PTPRS: variants seen among roughly 807,000 people sequenced by gnomAD.
PTPRS encodes protein tyrosine phosphatase receptor type S, also known as receptor-type tyrosine-protein phosphatase S.
PTPRS carries 63 observed loss-of-function variants against 215.3 expected under a neutral mutation model. The ratio of observed to expected loss-of-function variants is 0.29; its 90% CI spans 0.24 to 0.36. The LOEUF (loss-of-function observed/expected upper bound fraction) is 0.36, where lower values mean the gene tolerates loss of function less well. Ranked by LOEUF, PTPRS falls within the 10% of genes least tolerant of loss-of-function variation. PTPRS has a pLI of 1.00. For synonymous variants in PTPRS, 1,404 were observed against 1,191.4 expected (o/e 1.18, Z -3.68); for missense variants, 2,258 against 2,825.8 (o/e 0.80, Z 4.56).
At chr19:5,261,598 CAAG>C (rs940573606) in intron 6 of PTPRS, among the ~76,000 whole-genome samples, 25 of 152,294 alleles carry the variant, frequency 1.6e-4, no homozygotes, top group South Asian at 8.3e-4. Flanking sequence ...TGGCTGGGGC[CAAG>C]AAGATCCCAA....
Position 5,257,670 on chromosome 19 carries a change from G to A in PTPRS, c.706+347C>T, listed in dbSNP as rs930475797. On this transcript the variant is annotated intron_variant, in intron 8 of 37. Coordinates refer to ENST00000262963, the MANE Select transcript of PTPRS (RefSeq NM_002850.4). This position sits in a 1 kb window ranked among gnomAD's most constrained non-coding sequence, Gnocchi z 4.4. Reference sequence around the variant, plus strand: ...GGTGGGCAGGCAGGTGGGGTGGGGCGGGGCAGAGGCCTGCAGGCTCCCCTG... The same window carrying A: ...GGTGGGCAGGCAGGTGGGGTGGGGCAGGGCAGAGGCCTGCAGGCTCCCCTG... Among the ~76,000 whole-genome samples, 4 of 152,146 alleles carry A rather than the reference G, an allele frequency of 2.6e-5. No homozygotes were observed. In the South Asian group the frequency reaches 8.3e-4, roughly 31 times the overall value.
At chr19:5,273,015 T>C in intron 4 of PTPRS, 1 of 218,088 alleles carries the variant, frequency 4.6e-6, no homozygotes, top group Non-Finnish European at 9.3e-6. Flanking sequence ...ACTAAGGATA[T>C]CATCAATACA....
At chr19:5,264,692 C>T (rs1298446235) in intron 5 of PTPRS, among the ~76,000 whole-genome samples, 1 of 152,210 alleles carries the variant, frequency 6.6e-6, no homozygotes, top group African/African-American at 2.4e-5. Flanking sequence ...GACACTCTCC[C>T]CGCCCATGGC....
chr19:5,220,057 A>T lies in PTPRS; in HGVS notation c.3647T>A (p.Leu1216Gln). 1 of 1,614,044 alleles carries T rather than the reference A, an allele frequency of 6.2e-7. No individual in the cohort carries two copies. The highest frequency in any genetic ancestry group is 8.5e-7 in the Non-Finnish European group (1 of 1,180,032). Residue 1216 changes from leucine to glutamine, a missense_variant, in exon 22 of 38, where the codon CTG becomes CAG. Leu to Gln is a moderately radical substitution (Grantham distance 113). Coordinates refer to ENST00000262963, the MANE Select transcript of PTPRS (RefSeq NM_002850.4). ...GTCGCCGGGATGGAACGTGGGTGGC[A>T]GCACAGAGAAGCGAGCTGCAATATA... ...RPYIAARFSVLPPTFHPGDQK... is the reference protein window; with the variant it reads ...RPYIAARFSVQPPTFHPGDQK...
At chr19:5,241,997 G>A (rs147620120) in intron 11 of PTPRS, among the ~76,000 whole-genome samples, 10 of 152,028 alleles carry the variant, frequency 6.6e-5, no homozygotes, top group African/African-American at 2.2e-4. Context: ...TATCATGCCC[G>A]GCTAATTTTG....
Position 5,215,579 on chromosome 19 carries a change from C to T in PTPRS, c.4113G>A (p.Pro1371=), listed in dbSNP as rs377702253. The T allele has an allele frequency of 5.1e-5, 81 of 1,573,522 alleles. 1 individual carries two copies. The highest frequency in any genetic ancestry group is 2.9e-4 in the South Asian group (26 of 88,572). The stretch of plus-strand genomic sequence containing the variant: ...CCGCCATGTCTGCGATGGGAATTGG[C>T]GGGTGGCTAAGCATGCCTACAGGGT... ...GFHFESMLSH[P]PIPIADMAEH... The change falls in exon 27 of 38, where the codon CCG becomes CCA. Residue 1371 remains proline, a synonymous_variant. Transcript: ENST00000262963.
intron 19 of PTPRS, 22 bp downstream of exon 19, chr19:5,222,101 C>T (rs1168401512): frequency 6.3e-7 from 1 of 1,597,744 alleles, no homozygotes; most frequent in African/African-American, 1.3e-5. Context: ...TGCCTGCCTG[C>T]CTGCTGGCTG....
In PTPRS at chr19:5,315,350, G is replaced by GCTTTTTTTTTTTTTTTTTTTTTTTTT. The variant is rs2049835558; in HGVS notation, c.-95+25313_-95+25314insAAAAAAAAAAAAAAAAAAAAAAAAAG. ...TCATGGAGAATTTTTATTTGAAAAG[G>GCTTTTTTTTTTTTTTTTTTTTTTTTT]GTTTTTTTTTTTTTTTTTTTTTTTT... On this transcript the variant is annotated intron_variant, in intron 1 of 37. Coordinates refer to ENST00000262963, the MANE Select transcript of PTPRS (RefSeq NM_002850.4). Among the ~76,000 whole-genome samples, 9 of 101,296 alleles carry GCTTTTTTTTTTTTTTTTTTTTTTTTT rather than the reference G, an allele frequency of 8.9e-5. 3 individuals are homozygous for GCTTTTTTTTTTTTTTTTTTTTTTTTT. Among genetic ancestry groups the GCTTTTTTTTTTTTTTTTTTTTTTTTT allele is most frequent in the South Asian group, 6.2e-4 (2 of 3,230 alleles). 66.5% of individuals were successfully genotyped at this position (101,296 alleles called of 152,430 possible). A position where few individuals can be genotyped will look rare whatever the true frequency, so the allele number is the denominator to read the frequency against.
chr19:5,274,182 C>T lies in PTPRS; in HGVS notation c.237+17G>A. ...GGGAGCATTGACCCCAGGCTGCCTC[C>T]CCCTACCCCAACTCACCTCAAAGCG... On this transcript the variant is annotated intron_variant, in intron 3 of 37. Coordinates refer to ENST00000262963, the MANE Select transcript of PTPRS (RefSeq NM_002850.4). 6.2e-7 allele frequency: 1 copy of T among 1,601,152 alleles called. No individual in the cohort carries two copies. Among genetic ancestry groups the T allele is most frequent in the Non-Finnish European group, 8.5e-7 (1 of 1,169,890 alleles).
intron 13 of PTPRS, among the ~76,000 whole-genome samples, chr19:5,236,957 G>A (rs1302487224): frequency 6.6e-6 from 1 of 152,010 alleles, no homozygotes; most frequent in African/African-American, 2.4e-5. Flanking sequence ...AGAAACAACA[G>A]TGATGGTGAT....
At chr19:5,212,519 A>C (rs748090485) in intron 30 of PTPRS, 28 bp from the exon 31 acceptor site, 1 of 1,554,818 alleles carries the variant, frequency 6.4e-7, no homozygotes, top group Non-Finnish European at 8.7e-7. Flanking sequence ...GTCACCTGTC[A>C]CTCCGGCTCA....
intron 5 of PTPRS, among the ~76,000 whole-genome samples, chr19:5,263,709 C>G (rs950547130): frequency 6.6e-6 from 1 of 152,248 alleles, no homozygotes; most frequent in Admixed American, 6.5e-5. Context: ...CCACGTGTGT[C>G]CCCACGCACG....
intron 28 of PTPRS, among the ~76,000 whole-genome samples, 184 bp downstream of exon 28, chr19:5,215,105 A>G (rs546891607): frequency 5.4e-4 from 83 of 152,382 alleles, no homozygotes; most frequent in Non-Finnish European, 9.0e-4. Flanking sequence ...AGGACAGATG[A>G]AGCCATGTTA....
At chr19:5,255,439 GAAACCA>G (rs1341486779) in intron 9 of PTPRS, among the ~76,000 whole-genome samples, 1 of 151,992 alleles carries the variant, frequency 6.6e-6, no homozygotes, top group East Asian at 1.9e-4. Context: ...CTCAACCCAA[GAAACCA>G]AAACCAAATA....
chr19:5,267,640 G>A (rs1279466276), intron 4 of PTPRS, among the ~76,000 whole-genome samples: 2 of 140,100 alleles, frequency 1.4e-5, no homozygotes, highest in Non-Finnish European at 3.1e-5. Flanking sequence ...CTGGGCGACA[G>A]AGCAAGACTG....
intron 1 of PTPRS, among the ~76,000 whole-genome samples, chr19:5,310,386 C>T (rs948795480): frequency 2.0e-5 from 3 of 149,242 alleles, no homozygotes; most frequent in African/African-American, 7.4e-5. Flanking sequence ...GGCGCAATCT[C>T]GGCTCACTAC....
Position 5,223,220 on chromosome 19 carries a change from T to C in PTPRS, c.2572A>G (p.Thr858Ala), listed in dbSNP as rs1173800965. Residue 858 changes from threonine (T) to alanine (A), a missense_variant, in exon 18 of 38, where the codon ACC (threonine) becomes GCC (alanine). Physicochemically the swap from Thr to Ala is moderately conservative, Grantham distance 58 (BLOSUM62 0). Coordinates refer to ENST00000262963, the MANE Select transcript of PTPRS (RefSeq NM_002850.4). ...TAGCCCAGCACCTGGTCCTCCGCGG[T>C]GCCAGCCGGGGGCTCCCAGCGTGCC... ...LLARWEPPAG[T>A]AEDQVLGYRL... is the part of the protein sequence containing the mutation. 1 of 1,503,304 alleles carries C rather than the reference T, an allele frequency of 6.7e-7. No homozygotes were observed. The highest frequency in any genetic ancestry group is 8.9e-7 in the Non-Finnish European group (1 of 1,125,766). 93.1% of individuals were successfully genotyped at this position (1,503,304 alleles called of 1,614,324 possible).
In PTPRS at chr19:5,316,442, G is replaced by A. The variant is rs142859592; in HGVS notation, c.-95+24222C>T. 3.9e-3 allele frequency among the ~76,000 whole-genome samples: 594 copies of A among 152,154 alleles called. 18 individuals carry two copies. In the East Asian group the frequency reaches 0.076, roughly 20 times the overall value. On this transcript the variant is annotated intron_variant, in intron 1 of 37. Transcript: ENST00000262963. Reference sequence around the variant, plus strand: ...GAGTCTCGCTCTGTCACCGAGGCTGGAGTGTGGTGCTGTGATCTTGGCTCA... The same window carrying A: ...GAGTCTCGCTCTGTCACCGAGGCTGAAGTGTGGTGCTGTGATCTTGGCTCA...
Position 5,237,861 on chromosome 19 carries a change from G to T in PTPRS, c.1849+1058C>A, listed in dbSNP as rs2043609703. ...AGGGAAGGGGGCCGGCGGGGGCAGG[G>T]GGGTTGTGTCTCCGAGGCGCCCCAC... On this transcript the variant is annotated intron_variant, in intron 13 of 37. Transcript: ENST00000262963. The surrounding 1 kb of genome is among the most constrained non-coding windows in gnomAD (Gnocchi z 4.2). Among the ~76,000 whole-genome samples, 1 of 152,098 alleles carries T rather than the reference G, an allele frequency of 6.6e-6. No individual in the cohort carries two copies. The highest frequency in any genetic ancestry group is 1.5e-5 in the Non-Finnish European group (1 of 68,018).
Sources: gnomAD v4.1 joint callset for allele counts (sites outside exome capture counted in the v4.1 genomes callset) on GRCh38, gnomAD v4.1.1 for gene constraint, Gnocchi (gnomAD v3.1) non-coding constraint, MANE v1.5 for transcripts, NCBI Gene and HGNC (gene_info 2026-07-23, HGNC 2026-07-21) for gene names.